The following SHANK2 variants were observed in gnomAD, a reference collection of about 807,000 sequenced individuals.
SHANK2 encodes SH3 and multiple ankyrin repeat domains protein 2.
SHANK2 carries 43 observed loss-of-function variants against 133.7 expected under a neutral mutation model. The ratio of observed to expected loss-of-function variants is 0.32; its 90% CI spans 0.25 to 0.41. The LOEUF (loss-of-function observed/expected upper bound fraction) is 0.41. Ranked by LOEUF, SHANK2 falls within the 10% of genes least tolerant of loss-of-function variation. The pLI is 1.00. For missense variants in SHANK2, 1,994 were observed against 2,235.8 expected, an observed-to-expected ratio of 0.89 and a Z score of 2.18; for synonymous variants, 1,017 against 952.8, an observed-to-expected ratio of 1.07 and a Z score of -1.24.
chr11:70,845,488 A>T (rs1948982684), intron 11 of SHANK2, among the ~76,000 whole-genome samples: 1 of 152,120 alleles, frequency 6.6e-6, no homozygotes, highest in African/African-American at 2.4e-5. Context: ...TTCCAATGGA[A>T]TGTGCTTATT....
At position 71,175,138 on chromosome 11, in the gene SHANK2, C is replaced by G. The variant is rs553314345; in HGVS notation, c.-12-27800G>C. On this transcript the variant is annotated intron_variant, in intron 2 of 25. Coordinates refer to ENST00000601538, the MANE Select transcript of SHANK2 (RefSeq NM_012309.5). This position sits in a 1 kb window ranked among gnomAD's most constrained non-coding sequence, Gnocchi z 4.2. ...GGATTTTGTTAAATCTGTGCCTTAT[C>G]TATTTTGTGTGTCGCTCCCAGGAGG... Among the ~76,000 whole-genome samples, 15 of 152,332 alleles carry G rather than the reference C, an allele frequency of 9.8e-5. No individual in the cohort carries two copies. Among genetic ancestry groups the G allele is most frequent in the Admixed American group, 1.3e-4 (2 of 15,308 alleles).
intron 3 of SHANK2, among the ~76,000 whole-genome samples, chr11:71,134,221 T>C (rs1330171558): frequency 6.7e-6 from 1 of 149,688 alleles, no homozygotes; most frequent in African/African-American, 2.5e-5. Flanking sequence ...CCACGTGCGG[T>C]GCCACCCCAT....
chr11:71,154,286 G>A (rs1952857085), intron 2 of SHANK2, among the ~76,000 whole-genome samples: 2 of 152,320 alleles, frequency 1.3e-5, no homozygotes, highest in East Asian at 3.9e-4. Context: ...AACTAGAACA[G>A]AATATTCAAG....
Position 71,092,465 on chromosome 11 carries a change from G to C in SHANK2, c.869C>G (p.Thr290Ser), listed in dbSNP as rs943970398. The C allele has an allele frequency of 1.7e-5, 27 of 1,551,618 alleles. No individual in the cohort carries two copies. The Admixed American group carries it at 3.3e-4, about 19-fold the overall frequency. ...GCCGTTCTCATCTTTGCAGCACACA[G>C]TGGCGTGTTCGTGCAGGAGAAGCTC... Reference protein sequence around the residue: ...CCELLLHEHATVCCKDENGWH... With the variant: ...CCELLLHEHASVCCKDENGWH... The change falls in exon 8 of 26, where the codon ACT becomes AGT. Residue 290 changes from threonine (T) to serine (S), a missense_variant. Thr to Ser is a moderately conservative substitution (Grantham distance 58, BLOSUM62 1). This residue lies in a region of SHANK2 where 653 missense variants were observed against 563.4 expected (regional missense o/e 1.16). Transcript: ENST00000601538.
At chr11:70,873,864 C>T (rs938450153) in intron 11 of SHANK2, among the ~76,000 whole-genome samples, 14 of 152,286 alleles carry the variant, frequency 9.2e-5, no homozygotes, top group Admixed American at 7.2e-4. Context: ...TAGCACCAGC[C>T]TCCTGTCACT....
intron 14 of SHANK2, among the ~76,000 whole-genome samples, chr11:70,720,439 C>T (rs1246738365): frequency 6.6e-6 from 1 of 152,146 alleles, no homozygotes; most frequent in Non-Finnish European, 1.5e-5. Context: ...CATTCTTGGC[C>T]CTGTGACTCC....
chr11:71,209,192 C>T (rs1565515938), intron 2 of SHANK2, among the ~76,000 whole-genome samples: 1 of 152,208 alleles, frequency 6.6e-6, no homozygotes, highest in Admixed American at 6.5e-5. Context: ...GGAGGCTCCT[C>T]CAGCCCCATC....
At chr11:70,697,053 T>C (rs1280301587) in intron 15 of SHANK2, among the ~76,000 whole-genome samples, 5 of 152,354 alleles carry the variant, frequency 3.3e-5, no homozygotes, top group East Asian at 3.8e-4. Context: ...CTGAGGTTCC[T>C]AGAGTCATCA....
intron 11 of SHANK2, among the ~76,000 whole-genome samples, chr11:70,845,883 G>A (rs898940631): frequency 2.6e-5 from 4 of 152,202 alleles, no homozygotes; most frequent in Admixed American, 6.5e-5. Flanking sequence ...TTGTCTCCGA[G>A]CTTCCTGCAA....
chr11:70,801,161 C>G (rs1555050412), intron 13 of SHANK2, among the ~76,000 whole-genome samples: 1 of 152,224 alleles, frequency 6.6e-6, no homozygotes, highest in East Asian at 1.9e-4. Context: ...CCAAACTCCC[C>G]TCTCCAGGAG....
intron 10 of SHANK2, among the ~76,000 whole-genome samples, chr11:70,944,134 T>A (rs1950686291): frequency 6.6e-6 from 1 of 152,250 alleles, no homozygotes; most frequent in Non-Finnish European, 1.5e-5. Context: ...CGTTTTGAAA[T>A]CTGCCTTTCT....
chr11:70,556,704 G>A (rs576269118), intron 17 of SHANK2, among the ~76,000 whole-genome samples: 2 of 150,892 alleles, frequency 1.3e-5, no homozygotes, highest in South Asian at 4.2e-4. Flanking sequence ...TAATTCTCCT[G>A]CCTCAGCCTC....
intron 15 of SHANK2, chr11:70,661,988 A>T: frequency 1.6e-6 from 1 of 618,652 alleles, no homozygotes; most frequent in Non-Finnish European, 2.9e-6. Context: ...TGGAGGCTCA[A>T]GGGGGGCTGG....
intron 10 of SHANK2, among the ~76,000 whole-genome samples, chr11:70,917,840 A>G (rs1198081551): frequency 2.0e-5 from 3 of 152,132 alleles, no homozygotes; most frequent in African/African-American, 4.8e-5. Context: ...AACAACAGAC[A>G]CAGGAGCCTT....
intron 1 of SHANK2, among the ~76,000 whole-genome samples, chr11:71,234,068 C>T (rs972640943): frequency 7.2e-6 from 1 of 138,042 alleles, no homozygotes; most frequent in Non-Finnish European, 1.5e-5. Context: ...ATAAATAGAG[C>T]CGGGAGTGGT....
At chr11:71,154,226 C>G (rs1952856221) in intron 2 of SHANK2, among the ~76,000 whole-genome samples, 1 of 152,174 alleles carries the variant, frequency 6.6e-6, no homozygotes, top group Non-Finnish European at 1.5e-5. Context: ...GACATTTAAA[C>G]TCGGGGTCAA....
At chr11:70,776,213 G>A (rs1159565545) in intron 14 of SHANK2, among the ~76,000 whole-genome samples, 2 of 152,178 alleles carry the variant, frequency 1.3e-5, no homozygotes, top group Non-Finnish European at 2.9e-5. Flanking sequence ...CAGACTTCTG[G>A]AACACCCAAG....
intron 17 of SHANK2, among the ~76,000 whole-genome samples, chr11:70,592,207 G>A (rs1554988207): frequency 6.6e-6 from 1 of 152,102 alleles, no homozygotes; most frequent in African/African-American, 2.4e-5. Flanking sequence ...CACTCTACCT[G>A]CTCCGTCTTC....
chr11:71,138,912 A>G (rs1952499683), intron 3 of SHANK2, among the ~76,000 whole-genome samples: 1 of 152,178 alleles, frequency 6.6e-6, no homozygotes, highest in African/African-American at 2.4e-5. Flanking sequence ...AGGGTGAGGC[A>G]GCACAGCGGG....
Sources: allele counts gnomAD v4.1 joint callset (sites outside exome capture counted in the v4.1 genomes callset), GRCh38; gene constraint gnomAD v4.1.1; regional missense constraint gnomAD v4.1.1; non-coding constraint Gnocchi (gnomAD v3.1); transcripts MANE v1.5; gene names NCBI Gene and HGNC (gene_info 2026-07-23, HGNC 2026-07-21).